Variants in CTNNA2 observed in about 807,000 individuals in gnomAD.
CTNNA2 encodes catenin alpha 2, also known as catenin alpha-2.
Under a neutral mutation model 101.0 loss-of-function variants are expected in CTNNA2, and 42 were observed. The ratio of observed to expected loss-of-function variants is 0.42; its 90% CI spans 0.32 to 0.54. The LOEUF (loss-of-function observed/expected upper bound fraction) is 0.54, where lower values mean the gene tolerates loss of function less well. Among genes scored for constraint, CTNNA2 ranks in the 20% least tolerant of loss-of-function variants. The probability of loss-of-function intolerance (pLI) is 0.14; values close to 1 mark genes in which losing one functional copy is unlikely to be tolerated. For synonymous variants in CTNNA2, 450 were observed against 456.4 expected, an observed-to-expected ratio of 0.99 and a Z score of 0.18; for missense variants, 871 against 1,223.1, an observed-to-expected ratio of 0.71 and a Z score of 4.29.
At chr2:79,586,237 A>G (rs557622565) in intron 1 of CTNNA2, among the ~76,000 whole-genome samples, 1 of 152,180 alleles carries the variant, frequency 6.6e-6, no homozygotes, top group African/African-American at 2.4e-5. Flanking sequence ...AGTACTATCA[A>G]ACTGTCAAGA....
At chr2:80,443,580 T>A (rs1398367542) in intron 9 of CTNNA2, among the ~76,000 whole-genome samples, 1 of 152,114 alleles carries the variant, frequency 6.6e-6, no homozygotes, top group East Asian at 1.9e-4. Context: ...AGTAGTATAG[T>A]GTGTGGTTAA....
chr2:79,835,458 C>T (rs1183568753), intron 3 of CTNNA2, among the ~76,000 whole-genome samples: 1 of 152,034 alleles, frequency 6.6e-6, no homozygotes, highest in African/African-American at 2.4e-5. Context: ...TGAGAGTAAG[C>T]TACTGAATGT....
intron 7 of CTNNA2, among the ~76,000 whole-genome samples, chr2:79,968,717 A>G (rs1029067972): frequency 1.3e-5 from 2 of 152,166 alleles, no homozygotes; most frequent in African/African-American, 4.8e-5. Flanking sequence ...AGGAAAAAAT[A>G]CCTGTTTGAC....
At chr2:79,265,470 C>G (rs965677261) in intron 2 of CTNNA2, among the ~76,000 whole-genome samples, 1 of 152,224 alleles carries the variant, frequency 6.6e-6, no homozygotes, top group African/African-American at 2.4e-5. Flanking sequence ...GCCTAAGACT[C>G]ATCTTCAAAA....
chr2:79,698,708 A>G (rs1245059547), intron 2 of CTNNA2, among the ~76,000 whole-genome samples: 1 of 152,048 alleles, frequency 6.6e-6, no homozygotes, highest in African/African-American at 2.4e-5. Context: ...CAAGATACCA[A>G]AAGGGAATGT....
chr2:79,357,565 G>A (rs1677535497), intron 3 of CTNNA2, among the ~76,000 whole-genome samples: 1 of 152,148 alleles, frequency 6.6e-6, no homozygotes, highest in African/African-American at 2.4e-5. Context: ...AGAAATGTTT[G>A]AAGAGCTAAT....
intron 2 of CTNNA2, among the ~76,000 whole-genome samples, chr2:79,664,335 A>G (rs1460389208): frequency 6.6e-6 from 1 of 152,202 alleles, no homozygotes; most frequent in African/African-American, 2.4e-5. Context: ...GGAATTTATG[A>G]ACCTTAAATA....
rs1050878790 is a variant in CTNNA2, at chr2:80,079,925, C to T, written c.1056+170128C>T. On this transcript the variant is annotated intron_variant, in intron 7 of 18. Coordinates refer to ENST00000402739, the MANE Select transcript of CTNNA2 (RefSeq NM_001282597.3). ...AAAATAAAATAAAATAGAGGCCAGC[C>T]TCTTTAATTTCAGTTATTATTGCTT... Among the ~76,000 whole-genome samples the T allele has an allele frequency of 1.3e-4, 19 of 145,428 alleles. No homozygotes were observed. In the East Asian group the frequency reaches 2.4e-3, roughly 18 times the overall value.
chr2:79,332,219 G>A (rs571480337), intron 3 of CTNNA2, among the ~76,000 whole-genome samples: 1 of 151,310 alleles, frequency 6.6e-6, no homozygotes, highest in African/African-American at 2.4e-5. Context: ...CAGAATAAAG[G>A]ATAGTATTTA....
intron 7 of CTNNA2, among the ~76,000 whole-genome samples, chr2:80,342,485 G>A (rs1254114530): frequency 1.3e-5 from 2 of 152,206 alleles, no homozygotes; most frequent in African/African-American, 4.8e-5. Flanking sequence ...TTGCCAGGGA[G>A]CAAGCAGTCA....
chr2:80,602,230 G>A (rs1241860376), intron 15 of CTNNA2, among the ~76,000 whole-genome samples: 2 of 151,876 alleles, frequency 1.3e-5, no homozygotes, highest in Non-Finnish European at 2.9e-5. Context: ...TCTATGAACT[G>A]TAGTCTCCGG....
chr2:79,980,392 T>C (rs1007037154), intron 7 of CTNNA2, among the ~76,000 whole-genome samples: 2 of 152,152 alleles, frequency 1.3e-5, no homozygotes, highest in South Asian at 2.1e-4. Flanking sequence ...GGCTATGACA[T>C]TGATTAGTAC....
chr2:80,406,686 G>A (rs1679093333), intron 8 of CTNNA2, among the ~76,000 whole-genome samples: 2 of 151,782 alleles, frequency 1.3e-5, no homozygotes, highest in East Asian at 2.0e-4. Context: ...AATTAGCCGG[G>A]TGTGGTGGCG....
intron 3 of CTNNA2, among the ~76,000 whole-genome samples, chr2:79,797,024 A>C (rs887999484): frequency 6.6e-6 from 1 of 152,210 alleles, no homozygotes; most frequent in Admixed American, 6.5e-5. Flanking sequence ...TCTGTTGCCA[A>C]AATTCCCATT....
intron 7 of CTNNA2, among the ~76,000 whole-genome samples, chr2:79,915,507 G>A (rs75452894): frequency 0.015 from 2,315 of 152,232 alleles, 170 homozygotes; most frequent in Admixed American, 0.12. Context: ...TCATTTAGAA[G>A]CAATTCATTT....
chr2:79,563,300 T>C (rs2104148245), intron 1 of CTNNA2, among the ~76,000 whole-genome samples: 1 of 152,030 alleles, frequency 6.6e-6, no homozygotes, highest in Non-Finnish European at 1.5e-5. Flanking sequence ...GATTCAGGGT[T>C]TTTTGGTCCA....
intron 4 of CTNNA2, chr2:79,866,563 C>T (rs1401146998): frequency 1.3e-5 from 2 of 152,200 alleles, no homozygotes; most frequent in African/African-American, 4.8e-5. Flanking sequence ...CCGTTGACAC[C>T]AGTGTCCTTC....
intron 3 of CTNNA2, among the ~76,000 whole-genome samples, chr2:79,763,502 A>G (rs1323075833): frequency 6.6e-6 from 1 of 151,750 alleles, no homozygotes; most frequent in Non-Finnish European, 1.5e-5. Flanking sequence ...TTTATGTCCT[A>G]TTTTTCTCTT....
chr2:80,021,454 G>T (rs966677737), intron 7 of CTNNA2, among the ~76,000 whole-genome samples: 1 of 152,106 alleles, frequency 6.6e-6, no homozygotes, highest in Admixed American at 6.6e-5. Flanking sequence ...GTGTGCAGAA[G>T]AATGCAGTCT....
Sources: gnomAD v4.1 joint callset for allele counts (sites outside exome capture counted in the v4.1 genomes callset) on GRCh38, gnomAD v4.1.1 for gene constraint, MANE v1.5 for transcripts, NCBI Gene and HGNC (gene_info 2026-07-23, HGNC 2026-07-21) for gene names.